Variants in SYCE1 observed in about 807,000 individuals in gnomAD.
SYCE1 encodes the protein cancer/testis antigen 76.
In SYCE1, 37 loss-of-function variants were observed where a neutral mutation model predicts 55.1. That is an observed-to-expected ratio of 0.67 (90% CI 0.52 to 0.88). SYCE1 has a LOEUF of 0.88. Ranked by LOEUF, SYCE1 falls within the 40% of genes least tolerant of loss-of-function variation. The probability of loss-of-function intolerance (pLI) is 0.00; values close to 1 mark genes in which losing one functional copy is unlikely to be tolerated. For synonymous variants in SYCE1, 163 were observed against 159.4 expected, an observed-to-expected ratio of 1.02 and a Z score of -0.17; for missense variants, 399 against 416.4, an observed-to-expected ratio of 0.96 and a Z score of 0.36.
chr10:133,556,178 C>T lies in SYCE1; in HGVS notation c.529-131G>A. The T allele has an allele frequency of 3.0e-6, 3 of 1,010,242 alleles. No homozygotes were observed. The East Asian group carries it at 7.7e-5, about 26-fold the overall frequency. 62.6% of individuals were successfully genotyped at this position (1,010,242 alleles called of 1,614,324 possible). A position where few individuals can be genotyped will look rare whatever the true frequency, so the allele number is the denominator to read the frequency against. The stretch of plus-strand genomic sequence containing the variant: ...AACAACTCTGCCCCTCTGTGCACAC[C>T]AGCTACAGTACAGCCTCAGGGCCAT... On this transcript the variant is annotated intron_variant, in intron 8 of 12. Transcript: ENST00000343131.
At position 133,565,443 on chromosome 10, in the gene SYCE1, C is replaced by A. The variant is rs777340477; in HGVS notation, c.73+14G>T. On this transcript the variant is annotated intron_variant, in intron 1 of 12. Transcript: ENST00000343131. ...TCAGACCCTCACGCACAGTTCCCTG[C>A]CTCCCACCACTACCTCCGGCCTTCT... 5 of 1,545,230 alleles carry A rather than the reference C, an allele frequency of 3.2e-6. No homozygotes were observed. In the African/African-American group the frequency reaches 5.5e-5, roughly 17 times the overall value.
At position 133,560,112 on chromosome 10, in the gene SYCE1, T is replaced by C. The variant is rs149457615; in HGVS notation, c.115A>G (p.Met39Val). ...SSQKIEDLME[M>V]VQKLQKVGSL... ...CGACCTTTCTGCAGCTTTTGCACCA[T>C]TTCCATCAAGTCTTCAATTTTCTGT... The change falls in exon 2 of 13, where the codon ATG becomes GTG. Residue 39 changes from methionine to valine, a missense_variant. Coordinates refer to ENST00000343131, the MANE Select transcript of SYCE1 (RefSeq NM_001143764.3). 1.9e-6 allele frequency: 3 copies of C among 1,614,088 alleles called. No homozygotes were observed. In the African/African-American group the frequency reaches 4.0e-5, roughly 22 times the overall value.
chr10:133,568,262 C>A (rs3020503), upstream of SYCE1: 7 of 1,421,218 alleles, frequency 4.9e-6, no homozygotes, highest in African/African-American at 8.4e-5. Flanking sequence ...CCGCGTTCCC[C>A]GGGTCCCGCG....
chr10:133,559,661 T>C, intron 2 of SYCE1: 1 of 437,808 alleles, frequency 2.3e-6, no homozygotes, highest in Non-Finnish European at 4.2e-6. Flanking sequence ...GGGCCCCAAA[T>C]CAAGTGGTGG....
upstream of SYCE1, chr10:133,565,613 AG>A: frequency 1.4e-6 from 2 of 1,399,900 alleles, no homozygotes; most frequent in Non-Finnish European, 1.9e-6. Flanking sequence ...GCAGGACTCC[AG>A]GCAGCGCGCC....
chr10:133,555,666 A>G lies in SYCE1; in HGVS notation c.761T>C (p.Leu254Pro). The change falls in exon 11 of 13, where the codon CTA (leucine) becomes CCA (proline). Residue 254 changes from leucine (L) to proline (P), a missense_variant. By Grantham distance (98) the Leu-to-Pro change is moderately conservative. Coordinates refer to ENST00000343131, the MANE Select transcript of SYCE1 (RefSeq NM_001143764.3). Reference sequence around the variant, plus strand: ...CTGGTGGCGCTGGGCAGCAGCTGCTAGGAGCTCCTCAGCCTTCCTGTGCTC... The same window carrying G: ...CTGGTGGCGCTGGGCAGCAGCTGCTGGGAGCTCCTCAGCCTTCCTGTGCTC... ...QEEHRKAEEL[L>P]AAAAQRHQQL... 6.2e-7 allele frequency: 1 copy of G among 1,604,746 alleles called. No individual in the cohort carries two copies. The highest frequency in any genetic ancestry group is 8.5e-7 in the Non-Finnish European group (1 of 1,179,908).
downstream of SYCE1, chr10:133,554,462 TG>T: frequency 1.2e-6 from 1 of 820,298 alleles, no homozygotes; most frequent in South Asian, 1.5e-5. Flanking sequence ...CAGATGCACA[TG>T]ACTTACATCC....
intron 1 of SYCE1, 127 bp from the exon 2 acceptor site, chr10:133,560,280 A>G: frequency 1.4e-6 from 1 of 703,980 alleles, no homozygotes; most frequent in South Asian, 1.8e-5. Flanking sequence ...CCTGAGGTGG[A>G]CAGTACACTA....
chr10:133,562,252 TA>T (rs1015162771), intron 1 of SYCE1, among the ~76,000 whole-genome samples: 3 of 151,036 alleles, frequency 2.0e-5, no homozygotes, highest in Non-Finnish European at 4.4e-5. Context: ...AATTAAAAGC[TA>T]ACATCCAATG....
At chr10:133,558,342 G>A (rs1851738665) in intron 4 of SYCE1, 128 bp from the exon 5 acceptor site, 3 of 1,021,928 alleles carry the variant, frequency 2.9e-6, no homozygotes, top group Non-Finnish European at 4.6e-6. Flanking sequence ...CCCTTGAGGT[G>A]AGCCCCTCCC....
At chr10:133,560,211 C>T (rs2133623913) in intron 1 of SYCE1, 58 bp from the exon 2 acceptor site, 1 of 1,521,046 alleles carries the variant, frequency 6.6e-7, no homozygotes, top group East Asian at 2.3e-5. Flanking sequence ...CACCCCTGGG[C>T]TGAGACTGAG....
At chr10:133,554,489 C>T (rs1369341610), downstream of SYCE1, among the ~76,000 whole-genome samples, 1 of 152,174 alleles carries the variant, frequency 6.6e-6, no homozygotes, top group East Asian at 1.9e-4. Context: ...GATTGACTCC[C>T]TGCAAGCTGA....
In SYCE1 at chr10:133,555,598, T is replaced by G; in HGVS notation, c.829A>C (p.Arg277=). ...CGGGGACAGGGCCTCCACACGCACC[T>G]CTGCCGCTTCTGCTGCTGTTGTTGG... ...KCQQQQQKRQ[R]LKEELEKHGM... Residue 277 remains arginine (R), a splice_region_variant and synonymous_variant, in exon 11 of 13, where the codon AGG becomes CGG. Coordinates refer to ENST00000343131, the MANE Select transcript of SYCE1 (RefSeq NM_001143764.3). 6.2e-7 allele frequency: 1 copy of G among 1,604,064 alleles called. No homozygotes were observed.
At chr10:133,566,603 G>GGGGTTAGGGTTAGGGTTA (rs145120363), upstream of SYCE1, among the ~76,000 whole-genome samples, 1 of 129,766 alleles carries the variant, frequency 7.7e-6, no homozygotes, top group Non-Finnish European at 1.6e-5. Flanking sequence ...TTTTAGTGTT[G>GGGGTTAGGGTTAGGGTTA]GGGTTAGGGT....
chr10:133,560,225 G>A, intron 1 of SYCE1, 72 bp from the exon 2 acceptor site: 2 of 1,392,866 alleles, frequency 1.4e-6, no homozygotes, highest in Non-Finnish European at 2.0e-6. Flanking sequence ...GACTGAGGCA[G>A]GCTGAGGGCA....
upstream of SYCE1, among the ~76,000 whole-genome samples, chr10:133,565,962 C>G (rs886370834): frequency 2.6e-5 from 4 of 152,336 alleles, no homozygotes; most frequent in South Asian, 4.1e-4. Flanking sequence ...GGTTGCGGCT[C>G]TGCGGGACCA....
chr10:133,565,325 G>A (rs1241767901), intron 1 of SYCE1, 132 bp downstream of exon 1: 1 of 832,046 alleles, frequency 1.2e-6, no homozygotes, highest in Non-Finnish European at 1.7e-6. Flanking sequence ...AAATTTTTCT[G>A]AAGAAACCCG....
intron 7 of SYCE1, 122 bp downstream of exon 7, chr10:133,556,945 G>T: frequency 6.7e-7 from 1 of 1,481,900 alleles, no homozygotes; most frequent in Non-Finnish European, 9.4e-7. Flanking sequence ...GCTCCACTGG[G>T]AACATCTTCA....
chr10:133,558,466 A>C (rs1189574898), intron 4 of SYCE1: 2 of 575,582 alleles, frequency 3.5e-6, no homozygotes, highest in Non-Finnish European at 6.2e-6. Flanking sequence ...GAGAGAAAAA[A>C]TACCAACACC....
Sources: allele counts gnomAD v4.1 joint callset (sites outside exome capture counted in the v4.1 genomes callset), GRCh38; gene constraint gnomAD v4.1.1; transcripts MANE v1.5; gene names NCBI Gene and HGNC (gene_info 2026-07-23, HGNC 2026-07-21).